The following SLX4IP variants were observed in gnomAD, a reference collection of about 807,000 sequenced individuals.
SLX4IP encodes protein SLX4IP.
In SLX4IP, 34 loss-of-function variants were observed where a neutral mutation model predicts 32.9. The ratio of observed to expected loss-of-function variants is 1.03; its 90% CI spans 0.79 to 1.38. The LOEUF is 1.38. SLX4IP is among the 40% of genes most tolerant of loss of function. SLX4IP has a pLI of 0.00. For synonymous variants in SLX4IP, 172 were observed against 171.7 expected (o/e 1.00, Z -0.01); for missense variants, 444 against 479.0 (o/e 0.93, Z 0.68).
intron 6 of SLX4IP, among the ~76,000 whole-genome samples, chr20:10,618,072 C>T (rs984468113): frequency 6.6e-6 from 1 of 152,218 alleles, no homozygotes; most frequent in Non-Finnish European, 1.5e-5. Flanking sequence ...AAATGTGTTT[C>T]CCAGGTCAGC....
intron 2 of SLX4IP, among the ~76,000 whole-genome samples, chr20:10,526,790 A>C (rs1046280510): frequency 1.3e-5 from 2 of 152,168 alleles, no homozygotes; most frequent in Non-Finnish European, 2.9e-5. Flanking sequence ...GTCTCTACCA[A>C]AAATACAAAA....
intron 2 of SLX4IP, among the ~76,000 whole-genome samples, chr20:10,532,141 T>C (rs2065995113): frequency 1.3e-5 from 2 of 152,150 alleles, no homozygotes; most frequent in Non-Finnish European, 2.9e-5. Flanking sequence ...TGTGCCAAGA[T>C]GGGGGCAGAG....
intron 2 of SLX4IP, among the ~76,000 whole-genome samples, chr20:10,543,659 G>A (rs1205191866): frequency 1.3e-5 from 2 of 152,184 alleles, no homozygotes; most frequent in African/African-American, 2.4e-5. Context: ...ATCAAGGAAA[G>A]CAGGAAGTGA....
At chr20:10,583,855 CTT>C (rs922508578) in intron 4 of SLX4IP, among the ~76,000 whole-genome samples, 1 of 152,010 alleles carries the variant, frequency 6.6e-6, no homozygotes, top group African/African-American at 2.4e-5. Context: ...TTAAAAGACT[CTT>C]TTACGTAGGC....
chr20:10,585,510 C>G (rs1387343824), intron 4 of SLX4IP, among the ~76,000 whole-genome samples: 1 of 152,088 alleles, frequency 6.6e-6, no homozygotes, highest in Non-Finnish European at 1.5e-5. Flanking sequence ...TTCCTCTGAA[C>G]TCCAACTTTT....
At chr20:10,498,338 G>T (rs1402424603) in intron 2 of SLX4IP, among the ~76,000 whole-genome samples, 1 of 151,804 alleles carries the variant, frequency 6.6e-6, no homozygotes, top group African/African-American at 2.4e-5. Flanking sequence ...TTTTCCTCTG[G>T]CGAGTCCTTC....
intron 4 of SLX4IP, among the ~76,000 whole-genome samples, chr20:10,569,716 A>AT (rs1204946666): frequency 6.6e-6 from 1 of 151,960 alleles, no homozygotes; most frequent in Admixed American, 6.6e-5. Context: ...GAAGTCTGAG[A>AT]TTAAAGTATT....
At chr20:10,610,025 C>G (rs1446221412) in intron 6 of SLX4IP, among the ~76,000 whole-genome samples, 1 of 152,134 alleles carries the variant, frequency 6.6e-6, no homozygotes, top group African/African-American at 2.4e-5. Context: ...CTCACAATGT[C>G]AAGTGTTGGC....
intron 2 of SLX4IP, among the ~76,000 whole-genome samples, chr20:10,551,416 G>T (rs557947373): frequency 2.0e-5 from 3 of 152,212 alleles, no homozygotes; most frequent in Admixed American, 6.5e-5. Flanking sequence ...AGGGCTTAGA[G>T]CTCTCCCTTT....
intron 2 of SLX4IP, 140 bp downstream of exon 2, chr20:10,458,371 A>G (rs2065306002): frequency 4.7e-6 from 3 of 640,466 alleles, no homozygotes; most frequent in Non-Finnish European, 5.1e-6. Context: ...TTTTCCTTCA[A>G]CTTTTAAGTT....
intron 1 of SLX4IP, among the ~76,000 whole-genome samples, chr20:10,447,731 G>T (rs144810943): frequency 1.3e-5 from 2 of 151,994 alleles, no homozygotes; most frequent in East Asian, 3.9e-4. Context: ...TTGAGACAGG[G>T]TCTCTGTCAC....
At chr20:10,592,337 C>T (rs2066717798) in intron 4 of SLX4IP, among the ~76,000 whole-genome samples, 1 of 116,180 alleles carries the variant, frequency 8.6e-6, no homozygotes, top group African/African-American at 3.3e-5. Flanking sequence ...AGAACAACCC[C>T]TTTCTCCAAC....
intron 7 of SLX4IP, 94 bp from the exon 8 acceptor site, chr20:10,622,565 C>T: frequency 6.7e-7 from 1 of 1,498,922 alleles, no homozygotes; most frequent in Non-Finnish European, 8.8e-7. Flanking sequence ...TGCCTGCCTC[C>T]TTTTTCAGGT....
intron 2 of SLX4IP, among the ~76,000 whole-genome samples, chr20:10,505,655 C>T (rs1277381994): frequency 1.3e-5 from 2 of 152,188 alleles, no homozygotes; most frequent in Non-Finnish European, 1.5e-5. Context: ...GTAGTTAATG[C>T]TGTGCTCAGC....
intron 2 of SLX4IP, among the ~76,000 whole-genome samples, chr20:10,507,950 CAT>C (rs1187892492): frequency 2.6e-5 from 4 of 151,168 alleles, no homozygotes; most frequent in Admixed American, 6.6e-5. Flanking sequence ...TATATATACA[CAT>C]ATGTGTATAT....
chr20:10,610,438 G>A (rs913954323), intron 6 of SLX4IP, among the ~76,000 whole-genome samples: 1 of 152,268 alleles, frequency 6.6e-6, no homozygotes, highest in African/African-American at 2.4e-5. Context: ...GGAAGGCAGA[G>A]AAGTGAAGTC....
At chr20:10,539,321 A>G (rs1427782938) in intron 2 of SLX4IP, among the ~76,000 whole-genome samples, 2 of 152,252 alleles carry the variant, frequency 1.3e-5, no homozygotes, top group Non-Finnish European at 2.9e-5. Flanking sequence ...TAGGATTGTC[A>G]TGAAAATGTA....
chr20:10,558,685 T>C (rs138772669), intron 3 of SLX4IP, among the ~76,000 whole-genome samples: 332 of 152,354 alleles, frequency 2.2e-3, no homozygotes, highest in African/African-American at 7.7e-3. Flanking sequence ...AACTGTTCCA[T>C]GTGTCAACTC....
chr20:10,437,658 A>G (rs185678025), intron 1 of SLX4IP, among the ~76,000 whole-genome samples: 1 of 152,164 alleles, frequency 6.6e-6, no homozygotes, highest in Admixed American at 6.5e-5. Flanking sequence ...CCCTCCATCT[A>G]TTAATTGGGA....
Sources: allele counts gnomAD v4.1 joint callset (sites outside exome capture counted in the v4.1 genomes callset), GRCh38; gene constraint gnomAD v4.1.1; transcripts MANE v1.5; gene names NCBI Gene and HGNC (gene_info 2026-07-23, HGNC 2026-07-21).